CDC42BPA: variants seen among roughly 807,000 people sequenced by gnomAD.
CDC42BPA encodes serine/threonine-protein kinase MRCK alpha.
In CDC42BPA, 80 loss-of-function variants were observed where a neutral mutation model predicts 223.5. That is an observed-to-expected ratio of 0.36 (90% CI 0.30 to 0.43). The LOEUF is 0.43. Ranked by LOEUF, CDC42BPA falls within the 20% of genes least tolerant of loss-of-function variation. The pLI is 1.00. For synonymous variants in CDC42BPA, 694 were observed against 718.6 expected (o/e 0.97, Z 0.55); for missense variants, 1,743 against 2,099.9 (o/e 0.83, Z 3.32).
intron 15 of CDC42BPA, among the ~76,000 whole-genome samples, chr1:227,093,757 C>CA (rs1456497739): frequency 2.0e-5 from 3 of 152,200 alleles, no homozygotes; most frequent in African/African-American, 7.2e-5. Flanking sequence ...TCCTGGGCTG[C>CA]AGTCCTCAAC....
chr1:227,191,784 C>A (rs1342248789), intron 5 of CDC42BPA, among the ~76,000 whole-genome samples: 1 of 152,050 alleles, frequency 6.6e-6, no homozygotes, highest in African/African-American at 2.4e-5. Flanking sequence ...ACTTTCGTTT[C>A]TCATTCTATA....
At chr1:227,187,968 G>A (rs528367899) in intron 5 of CDC42BPA, among the ~76,000 whole-genome samples, 1 of 151,926 alleles carries the variant, frequency 6.6e-6, no homozygotes, top group Non-Finnish European at 1.5e-5. Flanking sequence ...AACAAAAACT[G>A]AGGGGATTTG....
chr1:227,259,765 ATAGCT>A (rs1212812947), intron 1 of CDC42BPA, among the ~76,000 whole-genome samples: 1 of 151,048 alleles, frequency 6.6e-6, no homozygotes, highest in South Asian at 2.1e-4. Flanking sequence ...CTTAGAAGTA[ATAGCT>A]TAGAAGTAAT....
At chr1:227,286,289 G>C (rs772279537) in intron 1 of CDC42BPA, among the ~76,000 whole-genome samples, 3 of 152,078 alleles carry the variant, frequency 2.0e-5, no homozygotes, top group Non-Finnish European at 4.4e-5. Context: ...TATCATTCTC[G>C]AATGCTTTGG....
chr1:227,314,068 T>C (rs1693972661), intron 1 of CDC42BPA, among the ~76,000 whole-genome samples: 1 of 152,066 alleles, frequency 6.6e-6, no homozygotes, highest in Non-Finnish European at 1.5e-5. Context: ...CATTTCAAAG[T>C]AGGGGGTGGC....
At chr1:227,166,280 G>C (rs1665021258) in intron 5 of CDC42BPA, among the ~76,000 whole-genome samples, 1 of 152,170 alleles carries the variant, frequency 6.6e-6, no homozygotes, top group Non-Finnish European at 1.5e-5. Flanking sequence ...GGCCTCAGGA[G>C]GGTGGGCTAT....
At chr1:227,238,600 C>A (rs914445018) in intron 2 of CDC42BPA, among the ~76,000 whole-genome samples, 2 of 151,754 alleles carry the variant, frequency 1.3e-5, no homozygotes, top group Non-Finnish European at 2.9e-5. Context: ...AGTTTGTTGA[C>A]CCACAGTCTA....
chr1:227,310,604 A>G (rs572028025), intron 1 of CDC42BPA, among the ~76,000 whole-genome samples: 1 of 152,290 alleles, frequency 6.6e-6, no homozygotes, highest in Admixed American at 6.5e-5. Flanking sequence ...AGCTAGCTAG[A>G]AAGAATAATC....
intron 6 of CDC42BPA, 102 bp downstream of exon 6, chr1:227,160,441 T>C: frequency 3.8e-6 from 3 of 797,334 alleles, no homozygotes; most frequent in African/African-American, 1.7e-5. Context: ...AATGGATGGA[T>C]GGGTAGATAG....
chr1:227,276,889 G>A (rs945407627), intron 1 of CDC42BPA, among the ~76,000 whole-genome samples: 1 of 151,918 alleles, frequency 6.6e-6, no homozygotes, highest in Non-Finnish European at 1.5e-5. Flanking sequence ...TGCTCGTTAA[G>A]AGTCATCACC....
chr1:227,219,679 A>G (rs886160512), intron 2 of CDC42BPA, among the ~76,000 whole-genome samples: 2 of 152,110 alleles, frequency 1.3e-5, no homozygotes, highest in East Asian at 1.9e-4. Context: ...CTGGGCCTAT[A>G]TATCTATTGA....
At chr1:227,272,611 G>T (rs1214998974) in intron 1 of CDC42BPA, among the ~76,000 whole-genome samples, 2 of 152,190 alleles carry the variant, frequency 1.3e-5, no homozygotes, top group East Asian at 3.9e-4. Flanking sequence ...TTTTAGATTT[G>T]GGATCTCACT....
Position 227,035,500 on chromosome 1 carries a change from T to C in CDC42BPA, c.3307A>G (p.Ile1103Val). The change falls in exon 25 of 37, where the codon ATA becomes GTA. Residue 1103 changes from isoleucine to valine, a missense_variant. By Grantham distance (29) the Ile-to-Val change is conservative. Transcript: ENST00000366766. ...ACATGACCTTCATATGCTGTTCCTA[T>C]TCCTTTCTGAGGATCTATACCCAGG... is the stretch of plus-strand genomic sequence containing the variant. ...GPLGIDPQKG[I>V]GTAYEGHVRI... 1 of 1,611,104 alleles carries C rather than the reference T, an allele frequency of 6.2e-7. No homozygotes were observed. Among genetic ancestry groups the C allele is most frequent in the Admixed American group, 1.7e-5 (1 of 59,174 alleles).
At chr1:227,162,087 C>T (rs1234679348) in intron 5 of CDC42BPA, among the ~76,000 whole-genome samples, 5 of 151,916 alleles carry the variant, frequency 3.3e-5, no homozygotes, top group East Asian at 3.8e-4. Context: ...ACAGTCACTA[C>T]GAATTACTTC....
At position 227,074,342 on chromosome 1, in the gene CDC42BPA, G is replaced by A. The variant is rs746759258; in HGVS notation, c.2503C>T (p.Arg835Ter). The change falls in exon 18 of 37, where the codon CGA becomes TGA. Residue 835 changes from arginine (R) to a stop codon, truncating the protein, a stop_gained. Coordinates refer to ENST00000366766, the MANE Select transcript of CDC42BPA (RefSeq NM_001394014.1). LOFTEE classifies it high-confidence loss of function. Reference protein sequence around the residue: ...IQWVSDEKDARGYLQALASKM... With the variant: ...IQWVSDEKDA ...GAAGCTAAGGCCTGAAGATACCCTC[G>A]TGCATCCTTTTCATCGCTGACCCTA... The A allele has an allele frequency of 1.2e-6, 2 of 1,612,980 alleles. No individual in the cohort carries two copies. Among genetic ancestry groups the A allele is most frequent in the South Asian group, 1.1e-5 (1 of 90,954 alleles).
chr1:227,143,734 T>C (rs903418866), intron 8 of CDC42BPA, among the ~76,000 whole-genome samples: 5 of 152,190 alleles, frequency 3.3e-5, no homozygotes, highest in African/African-American at 4.8e-5. Context: ...ATATAAAGTG[T>C]CTTTAAAGAG....
intron 16 of CDC42BPA, among the ~76,000 whole-genome samples, chr1:227,090,494 A>C (rs1476091158): frequency 1.3e-5 from 2 of 152,184 alleles, no homozygotes; most frequent in African/African-American, 4.8e-5. Flanking sequence ...AAGTAGAATT[A>C]TTAAAACTTC....
chr1:227,030,379 T>C (rs1307362963), intron 29 of CDC42BPA, 29 bp downstream of exon 29: 1 of 1,411,320 alleles, frequency 7.1e-7, no homozygotes, highest in Non-Finnish European at 9.8e-7. Context: ...GATTTAAAAT[T>C]ACTCCAAAAA....
intron 35 of CDC42BPA, among the ~76,000 whole-genome samples, chr1:226,996,963 T>C (rs1661741870): frequency 6.6e-6 from 1 of 152,254 alleles, no homozygotes; most frequent in South Asian, 2.1e-4. Context: ...AGGATGATGC[T>C]GGCCTCATAA....
Sources: gnomAD v4.1 joint callset for allele counts (sites outside exome capture counted in the v4.1 genomes callset) on GRCh38, gnomAD v4.1.1 for gene constraint, MANE v1.5 for transcripts, NCBI Gene and HGNC (gene_info 2026-07-23, HGNC 2026-07-21) for gene names.